Variants in NARS1 observed in about 807,000 individuals in gnomAD.
NARS1 encodes asparaginyl-tRNA synthetase 1, also known as asparagine--tRNA ligase, cytoplasmic.
NARS1 carries 65 observed loss-of-function variants against 79.2 expected under a neutral mutation model. That is an observed-to-expected ratio of 0.82 (90% CI 0.67 to 1.01). The LOEUF (loss-of-function observed/expected upper bound fraction) is 1.01, where lower values mean the gene tolerates loss of function less well. Among genes scored for constraint, NARS1 ranks in the 50% least tolerant of loss-of-function variants. The pLI is 0.00. For synonymous variants in NARS1, 229 were observed against 238.8 expected, an observed-to-expected ratio of 0.96 and a Z score of 0.38; for missense variants, 649 against 673.8, an observed-to-expected ratio of 0.96 and a Z score of 0.41.
intron 2 of NARS1, 58 bp downstream of exon 2, chr18:57,620,511 A>T: frequency 8.1e-7 from 1 of 1,227,914 alleles, no homozygotes. Flanking sequence ...GTCACAAGAA[A>T]ATTGACATAA....
chr18:57,615,926 G>C lies in NARS1; in HGVS notation c.143C>G (p.Ser48Ter), dbSNP rs1568166316. 6.2e-7 allele frequency: 1 copy of C among 1,613,004 alleles called. No individual in the cohort carries two copies. Residue 48 changes from serine to a stop codon, truncating the protein, a stop_gained, in exon 3 of 14, where the codon TCA (serine) becomes TGA (stop). Transcript: ENST00000256854. LOFTEE classifies it high-confidence loss of function. ...ATTCCACCTCTCATTTTCTTTTTGT[G>C]AATCTACGTAAATGGTAGGAAATGG... ...KEPFPTIYVD[S>*]QKENERWNVI...
chr18:57,607,931 A>G (rs1292628145), intron 7 of NARS1, among the ~76,000 whole-genome samples: 2 of 149,006 alleles, frequency 1.3e-5, no homozygotes, highest in Non-Finnish European at 3.0e-5. Flanking sequence ...GCAGTGACGC[A>G]ATCTTGGCTC....
At chr18:57,606,999 G>T in intron 9 of NARS1, 135 bp downstream of exon 9, 3 of 1,056,618 alleles carry the variant, frequency 2.8e-6, no homozygotes, top group Non-Finnish European at 4.1e-6. Flanking sequence ...GCAAAACTTT[G>T]TTATATGTTC....
intron 5 of NARS1, 32 bp from the exon 6 acceptor site, chr18:57,611,739 C>T (rs771058970): frequency 7.2e-7 from 1 of 1,395,730 alleles, no homozygotes; most frequent in Admixed American, 2.1e-5. Flanking sequence ...TTTAGGCAGA[C>T]TGTTCTCAAG....
Position 57,607,566 on chromosome 18 carries a change from C to G in NARS1, c.679G>C (p.Asp227His). ...DNLINEESDVDVQLNNRHMMI... is the reference protein window; with the variant it reads ...DNLINEESDVHVQLNNRHMMI... ...ATGTGTCTGTTGTTGAGCTGGACAT[C>G]AACGTCAGACTCCTCATTGATCAGG... The change falls in exon 8 of 14, where the codon GAT (aspartate) becomes CAT (histidine). Residue 227 changes from aspartate (D) to histidine (H), a missense_variant. Transcript: ENST00000256854. 1 of 1,614,124 alleles carries G rather than the reference C, an allele frequency of 6.2e-7. No individual in the cohort carries two copies.
chr18:57,601,596 T>G lies in NARS1; in HGVS notation c.*56A>C, dbSNP rs2051506466. On this transcript the variant is annotated 3_prime_UTR_variant, in exon 14 of 14. Transcript: ENST00000256854. Reference sequence around the variant, plus strand: ...GGAAGATTCTGGCTTTTTGTTTTCTTTTTTAAAGAGCCTGTTCCTTTCATA... The same window carrying G: ...GGAAGATTCTGGCTTTTTGTTTTCTGTTTTAAAGAGCCTGTTCCTTTCATA... The G allele has an allele frequency of 1.3e-6, 2 of 1,507,516 alleles. No homozygotes were observed. The highest frequency in any genetic ancestry group is 2.6e-5 in the South Asian group (2 of 76,894). 93.4% of individuals were successfully genotyped at this position (1,507,516 alleles called of 1,614,324 possible).
chr18:57,611,226 A>G (rs2051602407), intron 6 of NARS1, among the ~76,000 whole-genome samples: 1 of 152,078 alleles, frequency 6.6e-6, no homozygotes, highest in Admixed American at 6.6e-5. Flanking sequence ...TCAGCCTCCC[A>G]AAGTGCCGAG....
intron 11 of NARS1, among the ~76,000 whole-genome samples, chr18:57,603,516 GCACACC>G (rs2051527723): frequency 6.6e-6 from 1 of 152,176 alleles, no homozygotes; most frequent in Non-Finnish European, 1.5e-5. Flanking sequence ...GTAAGTGTAA[GCACACC>G]TGGAATAGTT....
At chr18:57,602,231 A>C (rs1599029987) in intron 13 of NARS1, 124 bp downstream of exon 13, 1 of 886,192 alleles carries the variant, frequency 1.1e-6, no homozygotes, top group East Asian at 2.6e-5. Flanking sequence ...TATAACCTGC[A>C]AACTGAATAT....
At chr18:57,614,537 C>A (rs1348127431) in intron 4 of NARS1, among the ~76,000 whole-genome samples, 16 of 152,052 alleles carry the variant, frequency 1.1e-4, no homozygotes, top group Non-Finnish European at 2.4e-4. Flanking sequence ...ATAAGAACTA[C>A]TGGAAATCAA....
rs1223368406 is a variant in NARS1, at chr18:57,605,842, G to A, written c.1251+15C>T. The stretch of plus-strand genomic sequence containing the variant: ...CAATCCCACCTTGGAAACAATGAGA[G>A]AAAGGGATACATACTTCTCCAAATT... On this transcript the variant is annotated intron_variant, in intron 11 of 13. Transcript: ENST00000256854. 9 of 1,534,188 alleles carry A rather than the reference G, an allele frequency of 5.9e-6. No individual in the cohort carries two copies. Among genetic ancestry groups the A allele is most frequent in the Non-Finnish European group, 8.1e-6 (9 of 1,116,458 alleles).
intron 6 of NARS1, among the ~76,000 whole-genome samples, chr18:57,611,113 T>C (rs2122441145): frequency 6.6e-6 from 1 of 151,928 alleles, no homozygotes; most frequent in African/African-American, 2.4e-5. Context: ...ACTACAGATA[T>C]GCACCACCAC....
At chr18:57,619,461 G>A (rs1361474406) in intron 2 of NARS1, among the ~76,000 whole-genome samples, 1 of 151,848 alleles carries the variant, frequency 6.6e-6, no homozygotes, top group Non-Finnish European at 1.5e-5. Context: ...AAACTCCTGG[G>A]CTCAAGCAGT....
Position 57,601,737 on chromosome 18 carries a change from T to G in NARS1, c.1562A>C (p.Glu521Ala), listed in dbSNP as rs1599029722. The G allele has an allele frequency of 6.2e-7, 1 of 1,613,666 alleles. No homozygotes were observed. The highest frequency in any genetic ancestry group is 8.5e-7 in the Non-Finnish European group (1 of 1,179,660). Residue 521 changes from glutamate to alanine, a missense_variant, in exon 14 of 14, where the codon GAA becomes GCA. By Grantham distance (107) the Glu-to-Ala change is moderately radical. Transcript: ENST00000256854. The stretch of plus-strand genomic sequence containing the variant: ...ATTCAGAATCCACGTTAAGAATCGT[T>G]CCAAGCCCAAGCCATATCCTCCATG... ...CPHGGYGLGL[E>A]RFLTWILNRY...
chr18:57,621,792 C>T lies in NARS1; in HGVS notation c.-75G>A, dbSNP rs536793334. 2 of 1,608,954 alleles carry T rather than the reference C, an allele frequency of 1.2e-6. No individual in the cohort carries two copies. The highest frequency in any genetic ancestry group is 1.3e-5 in the African/African-American group (1 of 74,736). ...GCCGTCTTATGACTCCAACGTGCACCGGCGGTTTCCGCGATTCCGGCGTTG... is the reference window on the plus strand; with the variant it reads ...GCCGTCTTATGACTCCAACGTGCACTGGCGGTTTCCGCGATTCCGGCGTTG... On this transcript the variant is annotated 5_prime_UTR_variant, in exon 1 of 14. Coordinates refer to ENST00000256854, the MANE Select transcript of NARS1 (RefSeq NM_004539.4).
At chr18:57,610,124 G>A (rs1166405065) in intron 6 of NARS1, among the ~76,000 whole-genome samples, 1 of 131,066 alleles carries the variant, frequency 7.6e-6, no homozygotes, top group Non-Finnish European at 1.6e-5. Context: ...AAAACTGATG[G>A]GGAACTTTAA....
intron 6 of NARS1, 65 bp downstream of exon 6, chr18:57,611,572 C>T: frequency 9.2e-7 from 1 of 1,091,108 alleles, no homozygotes. Context: ...TAAATGTATA[C>T]AAAACAATAA....
At chr18:57,620,789 A>G (rs1382040656) in intron 1 of NARS1, 138 bp from the exon 2 acceptor site, 3 of 494,436 alleles carry the variant, frequency 6.1e-6, no homozygotes, top group Non-Finnish European at 1.1e-5. Context: ...TTAATATCCT[A>G]GTTATTTCCC....
chr18:57,611,685 C>T lies in NARS1; in HGVS notation c.444G>A (p.Val148=). Residue 148 remains valine, a synonymous_variant, in exon 6 of 14, where the codon GTG becomes GTA. Transcript: ENST00000256854. ...GAAGATAACCTGTACCATCTCGCAA[C>T]ACCAGAAACATTAAATTCTTTCCTA... is the stretch of plus-strand genomic sequence containing the variant. ...RRQGKNLMFL[V]LRDGTGYLQC... The T allele has an allele frequency of 6.3e-7, 1 of 1,592,786 alleles. No homozygotes were observed. The highest frequency in any genetic ancestry group is 8.5e-7 in the Non-Finnish European group (1 of 1,170,072).
Sources: gnomAD v4.1 joint callset for allele counts (sites outside exome capture counted in the v4.1 genomes callset) on GRCh38, gnomAD v4.1.1 for gene constraint, MANE v1.5 for transcripts, NCBI Gene and HGNC (gene_info 2026-07-23, HGNC 2026-07-21) for gene names.